ST7: variants seen among roughly 807,000 people sequenced by gnomAD.
The protein encoded by ST7 is suppressor of tumorigenicity 7 protein.
Under a neutral mutation model 78.7 loss-of-function variants are expected in ST7, and 28 were observed. The ratio of observed to expected loss-of-function variants is 0.36; its 90% CI spans 0.26 to 0.49. ST7 has a LOEUF of 0.49. Ranked by LOEUF, ST7 falls within the 20% of genes least tolerant of loss-of-function variation. ST7 has a pLI of 0.99. For missense variants in ST7, 418 were observed against 696.0 expected (o/e 0.60, Z 4.49); for synonymous variants, 247 against 249.6 (o/e 0.99, Z 0.10).
chr7:117,195,992 A>C (rs927186370), intron 12 of ST7, among the ~76,000 whole-genome samples: 1 of 152,144 alleles, frequency 6.6e-6, no homozygotes, highest in Non-Finnish European at 1.5e-5. Context: ...TAGATACCTC[A>C]TATCAGTGGA....
At chr7:117,109,856 G>T (rs186893838) in intron 2 of ST7, among the ~76,000 whole-genome samples, 62 of 152,282 alleles carry the variant, frequency 4.1e-4, no homozygotes, top group African/African-American at 1.4e-3. Flanking sequence ...GAACAAGTGG[G>T]TTTCATACCA....
chr7:117,078,920 T>G (rs961003294), intron 1 of ST7, among the ~76,000 whole-genome samples: 8 of 152,176 alleles, frequency 5.3e-5, no homozygotes, highest in Non-Finnish European at 7.4e-5. Context: ...AAGTCAGAGT[T>G]GTTGGTTTCC....
chr7:117,181,443 A>C (rs1402069638), intron 10 of ST7, among the ~76,000 whole-genome samples: 1 of 152,192 alleles, frequency 6.6e-6, no homozygotes, highest in Non-Finnish European at 1.5e-5. Flanking sequence ...TCTTAAGAAA[A>C]TCGTTTAACT....
At chr7:117,207,281 T>C (rs917768002) in intron 12 of ST7, among the ~76,000 whole-genome samples, 4 of 152,160 alleles carry the variant, frequency 2.6e-5, no homozygotes, top group East Asian at 3.9e-4. Context: ...ACAGCTGGGA[T>C]TGTAGGCACC....
intron 5 of ST7, among the ~76,000 whole-genome samples, chr7:117,131,468 A>G (rs1804350019): frequency 6.6e-6 from 1 of 151,900 alleles, no homozygotes; most frequent in African/African-American, 2.4e-5. Context: ...ATGGTTTCAG[A>G]ATGTTCTAAC....
intron 1 of ST7, among the ~76,000 whole-genome samples, chr7:117,052,032 G>T (rs1797814988): frequency 6.6e-6 from 1 of 152,176 alleles, no homozygotes; most frequent in Non-Finnish European, 1.5e-5. Flanking sequence ...TTTGAACACA[G>T]TGCAGCCTCT....
chr7:117,208,202 A>G (rs1025140856), intron 12 of ST7, among the ~76,000 whole-genome samples: 21 of 152,326 alleles, frequency 1.4e-4, no homozygotes, highest in African/African-American at 4.8e-4. Flanking sequence ...AAAACAAGAC[A>G]TTAGGAGGAA....
chr7:117,182,372 G>A (rs1409037222), intron 10 of ST7, among the ~76,000 whole-genome samples: 1 of 152,130 alleles, frequency 6.6e-6, no homozygotes, highest in Non-Finnish European at 1.5e-5. Context: ...AGATATGGAG[G>A]GAGCAAAGCT....
At chr7:117,163,085 A>C (rs1807280393) in intron 9 of ST7, among the ~76,000 whole-genome samples, 2 of 152,104 alleles carry the variant, frequency 1.3e-5, no homozygotes, top group African/African-American at 4.8e-5. Flanking sequence ...AGTTTCATCC[A>C]TCTTGCTGCC....
At chr7:117,158,951 C>T (rs1205488660) in intron 9 of ST7, among the ~76,000 whole-genome samples, 2 of 152,150 alleles carry the variant, frequency 1.3e-5, no homozygotes, top group African/African-American at 4.8e-5. Flanking sequence ...TTAATTAGCC[C>T]AAGCTTGTAT....
chr7:117,145,064 G>A (rs1026523728), intron 9 of ST7, among the ~76,000 whole-genome samples: 16 of 152,140 alleles, frequency 1.1e-4, no homozygotes, highest in African/African-American at 3.9e-4. Flanking sequence ...GCCAGGTGTG[G>A]TAGCACACGC....
In ST7 at chr7:116,987,549, A is replaced by T. The variant is rs115967965; in HGVS notation, c.151+33858A>T. Among the ~76,000 whole-genome samples, 186 of 152,282 alleles carry T rather than the reference A, an allele frequency of 1.2e-3. 2 individuals are homozygous for T. The highest frequency in any genetic ancestry group is 4.4e-3 in the African/African-American group (181 of 41,556). On this transcript the variant is annotated intron_variant, in intron 1 of 15. Coordinates refer to ENST00000323984, the MANE Select transcript of ST7 (RefSeq NM_001369598.1). ...ACTTCAGACATACTGATTTTCCATGAGATTGCTCTTGGCACCAGTCCCTTC... is the reference window on the plus strand; with the variant it reads ...ACTTCAGACATACTGATTTTCCATGTGATTGCTCTTGGCACCAGTCCCTTC...
intron 1 of ST7, among the ~76,000 whole-genome samples, chr7:117,030,518 TG>T (rs746852286): frequency 1.6e-4 from 24 of 152,192 alleles, no homozygotes; most frequent in Non-Finnish European, 1.3e-4. Flanking sequence ...CATTGAGAAG[TG>T]GGCAAAGGAC....
chr7:117,171,164 T>G (rs1229352462), intron 10 of ST7, among the ~76,000 whole-genome samples, 188 bp downstream of exon 10: 1 of 152,208 alleles, frequency 6.6e-6, no homozygotes, highest in Non-Finnish European at 1.5e-5. Context: ...GGACCAGAAA[T>G]GTCACATGGC....
intron 10 of ST7, among the ~76,000 whole-genome samples, chr7:117,184,661 G>A (rs1411891174): frequency 1.3e-5 from 2 of 152,178 alleles, no homozygotes; most frequent in African/African-American, 4.8e-5. Context: ...GGTAGCACCA[G>A]GGAGTTCCTC....
intron 9 of ST7, among the ~76,000 whole-genome samples, chr7:117,158,180 G>C (rs1478183216): frequency 6.6e-6 from 1 of 152,196 alleles, no homozygotes; most frequent in South Asian, 2.1e-4. Flanking sequence ...CACTGAGGCA[G>C]GTAGAAGTGG....
chr7:117,001,073 C>T (rs1265984770), intron 1 of ST7, among the ~76,000 whole-genome samples: 1 of 152,126 alleles, frequency 6.6e-6, no homozygotes, highest in Non-Finnish European at 1.5e-5. Flanking sequence ...CTGAAAAAGC[C>T]ATTGACATTT....
At chr7:117,071,495 C>T (rs893568184) in intron 1 of ST7, among the ~76,000 whole-genome samples, 1 of 152,166 alleles carries the variant, frequency 6.6e-6, no homozygotes, top group Non-Finnish European at 1.5e-5. Flanking sequence ...GGGATCTTTC[C>T]AGCTCAAACA....
At chr7:117,050,008 C>T (rs1325648135) in intron 1 of ST7, among the ~76,000 whole-genome samples, 1 of 150,236 alleles carries the variant, frequency 6.7e-6, no homozygotes, top group Non-Finnish European at 1.5e-5. Flanking sequence ...AGATTGAGAC[C>T]ATCCCGGCTA....
Sources: gnomAD v4.1 joint callset for allele counts (sites outside exome capture counted in the v4.1 genomes callset) on GRCh38, gnomAD v4.1.1 for gene constraint, MANE v1.5 for transcripts, NCBI Gene and HGNC (gene_info 2026-07-23, HGNC 2026-07-21) for gene names.